Variants in BNIP1 observed in about 807,000 individuals in gnomAD.
BNIP1 encodes vesicle transport protein SEC20.
Under a neutral mutation model 28.5 loss-of-function variants are expected in BNIP1, and 25 were observed. The observed-to-expected ratio is 0.88, with a 90% CI of 0.64 to 1.23. The LOEUF (loss-of-function observed/expected upper bound fraction) is 1.23, where lower values mean the gene tolerates loss of function less well. BNIP1 is among the 50% of genes most tolerant of loss of function. BNIP1 has a pLI of 0.00. For synonymous variants in BNIP1, 118 were observed against 101.7 expected (o/e 1.16, Z -0.96); for missense variants, 276 against 277.0 (o/e 1.00, Z 0.02).
rs1272709369 is a variant in BNIP1 at position 173,144,544 on chromosome 5, A to T, written c.-2A>T. On this transcript the variant is annotated 5_prime_UTR_variant, in exon 1 of 6. Coordinates refer to ENST00000351486, the MANE Select transcript of BNIP1 (RefSeq NM_001205.3). ...CCGCTGCCCGTAGCCGGCGTCCCCA[A>T]CATGGCGGCTCCCCAAGACGTCCAC... The T allele has an allele frequency of 6.2e-7, 1 of 1,614,062 alleles. No homozygotes were observed. The highest frequency in any genetic ancestry group is 1.1e-5 in the South Asian group (1 of 91,060).
intron 2 of BNIP1, among the ~76,000 whole-genome samples, chr5:173,153,603 AG>A (rs1390809622): frequency 6.6e-6 from 1 of 152,138 alleles, no homozygotes; most frequent in African/African-American, 2.4e-5. Context: ...ACCCTAGATC[AG>A]TGGAAGGAGC....
At chr5:173,145,671 G>C (rs1759814324) in intron 1 of BNIP1, among the ~76,000 whole-genome samples, 1 of 152,182 alleles carries the variant, frequency 6.6e-6, no homozygotes, top group South Asian at 2.1e-4. Context: ...CCAAATTGCT[G>C]GGATTACAGG....
intron 1 of BNIP1, 46 bp downstream of exon 1, chr5:173,144,675 A>G: frequency 6.3e-7 from 1 of 1,597,526 alleles, no homozygotes; most frequent in Non-Finnish European, 8.6e-7. Context: ...CCCTAACCCA[A>G]GCTCTGCTGG....
At chr5:173,160,543 GT>G (rs1293447921) in intron 5 of BNIP1, among the ~76,000 whole-genome samples, 1 of 152,128 alleles carries the variant, frequency 6.6e-6, no homozygotes, top group Non-Finnish European at 1.5e-5. Flanking sequence ...CCGTATTTCT[GT>G]TTACTAGAAG....
intron 2 of BNIP1, among the ~76,000 whole-genome samples, 199 bp downstream of exon 2, chr5:173,147,157 A>G (rs1285820942): frequency 1.3e-5 from 2 of 152,332 alleles, no homozygotes; most frequent in East Asian, 3.9e-4. Flanking sequence ...CTGTAATCCC[A>G]GCACTTTGGG....
chr5:173,154,496 A>T, intron 3 of BNIP1, 83 bp downstream of exon 3: 1 of 1,032,986 alleles, frequency 9.7e-7, no homozygotes, highest in Non-Finnish European at 1.4e-6. Context: ...TGCCTGATGG[A>T]TCTGCTTTAA....
intron 5 of BNIP1, among the ~76,000 whole-genome samples, chr5:173,160,297 C>T (rs1760326206): frequency 6.7e-6 from 1 of 150,292 alleles, no homozygotes; most frequent in South Asian, 2.1e-4. Flanking sequence ...TGCAATGGTG[C>T]GATCTCAGCT....
Position 173,145,764 on chromosome 5 carries a change from C to A in BNIP1, c.85-1102C>A, listed in dbSNP as rs192590949. On this transcript the variant is annotated intron_variant, in intron 1 of 5. Transcript: ENST00000351486. The stretch of plus-strand genomic sequence containing the variant: ...AGTCACTAAACATTAGATGTAGACT[C>A]AGAGTTTGTAACAAGGTGTGGCAAA... 2.3e-4 allele frequency among the ~76,000 whole-genome samples: 35 copies of A among 152,320 alleles called. No individual in the cohort carries two copies. In the East Asian group the frequency reaches 6.6e-3, roughly 29 times the overall value.
intron 3 of BNIP1, among the ~76,000 whole-genome samples, chr5:173,155,021 T>TA (rs1760142994): frequency 6.6e-6 from 1 of 152,244 alleles, no homozygotes; most frequent in Non-Finnish European, 1.5e-5. Flanking sequence ...GGTCATTTTT[T>TA]ATCTAAGGAT....
Position 173,154,496 on chromosome 5 carries a change from A to G in BNIP1, c.269+83A>G, listed in dbSNP as rs934845852. On this transcript the variant is annotated intron_variant, in intron 3 of 5. Transcript: ENST00000351486. Reference sequence around the variant, plus strand: ...CCTTGCACGTGTGTTTGCCTGATGGATCTGCTTTAATGCTGACTTAATGGT... The same window carrying G: ...CCTTGCACGTGTGTTTGCCTGATGGGTCTGCTTTAATGCTGACTTAATGGT... 5 of 1,032,988 alleles carry G rather than the reference A, an allele frequency of 4.8e-6. No homozygotes were observed. In the Admixed American group the frequency reaches 1.3e-4, roughly 27 times the overall value. 64.0% of individuals were successfully genotyped at this position (1,032,988 alleles called of 1,614,324 possible).
chr5:173,163,767 AG>A lies in BNIP1; in HGVS notation c.534del (p.Lys178AsnfsTer22), dbSNP rs1254247710. 1.2e-6 allele frequency: 2 copies of A among 1,611,850 alleles called. No homozygotes were observed. Among genetic ancestry groups the A allele is most frequent in the Non-Finnish European group, 1.7e-6 (2 of 1,179,176 alleles). ...ATCCTGGATGCAAATGAAGAATTTA[AG>A]TCCATGTCGGGCACCATCCAGCTGG... is the stretch of plus-strand genomic sequence containing the variant. ...RTILDANEEFKSMSGTIQLGR... is the reference protein window; with the variant it reads ...RTILDANEEFXSMSGTIQLGR... On this transcript the variant is annotated frameshift_variant, in exon 6 of 6. Transcript: ENST00000351486. LOFTEE classifies it high-confidence loss of function.
chr5:173,163,917 T>C lies in BNIP1; in HGVS notation c.683T>C (p.Leu228Ser). Residue 228 changes from leucine (L) to serine (S), a missense_variant, in exon 6 of 6, where the codon TTG becomes TCG. By Grantham distance (145) the Leu-to-Ser change is moderately radical. Coordinates refer to ENST00000351486, the MANE Select transcript of BNIP1 (RefSeq NM_001205.3). ...YIVKKRLFPF[L>S] ...GTGAAAAAGCGGCTCTTTCCATTTTTGTGAGATCCCAAAGGTGCCAGTTCT... is the reference window on the plus strand; with the variant it reads ...GTGAAAAAGCGGCTCTTTCCATTTTCGTGAGATCCCAAAGGTGCCAGTTCT... 1 of 1,601,078 alleles carries C rather than the reference T, an allele frequency of 6.2e-7. No homozygotes were observed. The highest frequency in any genetic ancestry group is 8.5e-7 in the Non-Finnish European group (1 of 1,173,504).
chr5:173,159,453 T>C (rs532449073), intron 4 of BNIP1, among the ~76,000 whole-genome samples: 2 of 150,240 alleles, frequency 1.3e-5, no homozygotes, highest in East Asian at 3.9e-4. Context: ...CATATTCTGC[T>C]GTTTCAGCAC....
Position 173,163,944 on chromosome 5 carries a change from G to T in BNIP1, c.*23G>T. On this transcript the variant is annotated 3_prime_UTR_variant, in exon 6 of 6. Transcript: ENST00000351486. ...TGAGATCCCAAAGGTGCCAGTTCTG[G>T]CCCTTTCAGCTCCTGTTTCAGGATC... 6.4e-7 allele frequency: 1 copy of T among 1,566,918 alleles called. No individual in the cohort carries two copies. The highest frequency in any genetic ancestry group is 8.7e-7 in the Non-Finnish European group (1 of 1,155,562).
intron 2 of BNIP1, 92 bp downstream of exon 2, chr5:173,147,050 T>G: frequency 1.0e-6 from 1 of 961,018 alleles, no homozygotes; most frequent in Non-Finnish European, 1.7e-6. Context: ...CACCAGCTGA[T>G]GGGAGCAGTA....
At position 173,146,951 on chromosome 5, in the gene BNIP1, G is replaced by T; in HGVS notation, c.170G>T (p.Arg57Ile). 1 of 1,612,390 alleles carries T rather than the reference G, an allele frequency of 6.2e-7. No homozygotes were observed. Among genetic ancestry groups the T allele is most frequent in the Non-Finnish European group, 8.5e-7 (1 of 1,178,512 alleles). Residue 57 changes from arginine to isoleucine, a missense_variant, in exon 2 of 6, where the codon AGA (arginine) becomes ATA (isoleucine). By Grantham distance (97) the Arg-to-Ile change is moderately conservative. Coordinates refer to ENST00000351486, the MANE Select transcript of BNIP1 (RefSeq NM_001205.3). The part of the protein sequence containing the change: ...VKEKFQQLRH[R>I]IQDLEQLAKE... Reference sequence around the variant, plus strand: ...GAGAAATTTCAACAGTTGCGTCACAGAATACAGGTGGGTATTCTCAATTCA... The same window carrying T: ...GAGAAATTTCAACAGTTGCGTCACATAATACAGGTGGGTATTCTCAATTCA...
intron 5 of BNIP1, among the ~76,000 whole-genome samples, chr5:173,162,584 A>G (rs1460369342): frequency 2.6e-5 from 4 of 152,064 alleles, no homozygotes; most frequent in Non-Finnish European, 5.9e-5. Flanking sequence ...AGCCAAGATC[A>G]CGCCACTGCA....
At chr5:173,147,839 A>T (rs1228592829) in intron 2 of BNIP1, among the ~76,000 whole-genome samples, 1 of 151,586 alleles carries the variant, frequency 6.6e-6, no homozygotes, top group South Asian at 2.1e-4. Context: ...TCATTTTTAA[A>T]AATGAAAATG....
At chr5:173,155,729 TAA>T (rs1264103520) in intron 3 of BNIP1, among the ~76,000 whole-genome samples, 3 of 151,922 alleles carry the variant, frequency 2.0e-5, no homozygotes, top group African/African-American at 4.8e-5. Flanking sequence ...TTTAAAAAAT[TAA>T]AAAATTTTGG....
Sources: allele counts gnomAD v4.1 joint callset (sites outside exome capture counted in the v4.1 genomes callset), GRCh38; gene constraint gnomAD v4.1.1; transcripts MANE v1.5; gene names NCBI Gene and HGNC (gene_info 2026-07-23, HGNC 2026-07-21).